The following MYRIP variants were observed in gnomAD, a reference collection of about 807,000 sequenced individuals.
MYRIP encodes myosin VIIA and Rab interacting protein.
MYRIP carries 49 observed loss-of-function variants against 98.0 expected under a neutral mutation model. That is an observed-to-expected ratio of 0.50 (90% CI 0.40 to 0.63). The LOEUF is 0.63. MYRIP is among the 30% of genes least tolerant of loss of function. MYRIP has a pLI of 0.00. For missense variants in MYRIP, 1,004 were observed against 1,058.2 expected (o/e 0.95, Z 0.71); for synonymous variants, 404 against 409.5 (o/e 0.99, Z 0.16).
At chr3:40,230,796 T>C (rs534330446) in intron 11 of MYRIP, among the ~76,000 whole-genome samples, 1 of 152,018 alleles carries the variant, frequency 6.6e-6, no homozygotes, top group African/African-American at 2.4e-5. Context: ...CCAGTTTTCA[T>C]ATAATTTTTG....
At chr3:40,003,425 T>G (rs1008475722) in intron 2 of MYRIP, among the ~76,000 whole-genome samples, 3 of 152,202 alleles carry the variant, frequency 2.0e-5, no homozygotes, top group Non-Finnish European at 4.4e-5. Flanking sequence ...TGTATGTGGG[T>G]TGAGTCTTGT....
chr3:40,203,317 A>AAAAT (rs1951623122), intron 10 of MYRIP, among the ~76,000 whole-genome samples: 1 of 152,112 alleles, frequency 6.6e-6, no homozygotes, highest in East Asian at 1.9e-4. Flanking sequence ...CCAGTTTGAG[A>AAAAT]AAATATGCAT....
At position 40,017,897 on chromosome 3, in the gene MYRIP, A is replaced by C. The variant is rs180985118; in HGVS notation, c.111-26153A>C. Among the ~76,000 whole-genome samples the C allele has an allele frequency of 1.7e-3, 252 of 152,250 alleles. 3 individuals carry two copies. The highest frequency in any genetic ancestry group is 5.9e-3 in the African/African-American group (247 of 41,538). ...TTCCCTCTTTTCACTATTTAGCCTA[A>C]TGAGTAATCAGCTTTGTCTTTTGTT... On this transcript the variant is annotated intron_variant, in intron 2 of 16. Transcript: ENST00000302541.
chr3:40,084,288 T>C (rs1175040671), intron 3 of MYRIP, among the ~76,000 whole-genome samples: 2 of 120,786 alleles, frequency 1.7e-5, no homozygotes, highest in Non-Finnish European at 3.7e-5. Flanking sequence ...ATGTATTATA[T>C]ATCGATATAT....
intron 2 of MYRIP, among the ~76,000 whole-genome samples, chr3:40,028,580 C>T (rs1947187868): frequency 6.6e-6 from 1 of 152,128 alleles, no homozygotes; most frequent in East Asian, 1.9e-4. Flanking sequence ...ATTATAAGTG[C>T]CACTCAGAAA....
At chr3:39,889,212 A>G (rs138329063) in intron 1 of MYRIP, among the ~76,000 whole-genome samples, 2,799 of 152,342 alleles carry the variant, frequency 0.018, 84 homozygotes, top group African/African-American at 0.064. Flanking sequence ...TAATGCTGCT[A>G]TAAAGACACA....
At chr3:40,011,749 G>A (rs1378494773) in intron 2 of MYRIP, among the ~76,000 whole-genome samples, 1 of 152,090 alleles carries the variant, frequency 6.6e-6, no homozygotes, top group Non-Finnish European at 1.5e-5. Flanking sequence ...CATATAAAAA[G>A]TAAACAATCT....
chr3:40,015,489 A>G (rs1288657577), intron 2 of MYRIP, among the ~76,000 whole-genome samples: 2 of 152,192 alleles, frequency 1.3e-5, no homozygotes, highest in East Asian at 1.9e-4. Context: ...CTCCCTCACA[A>G]TCATGGATTC....
chr3:39,876,860 C>G (rs1943012564), intron 1 of MYRIP, among the ~76,000 whole-genome samples: 1 of 152,118 alleles, frequency 6.6e-6, no homozygotes, highest in East Asian at 1.9e-4. Flanking sequence ...GTGGTGTTCT[C>G]TGTATTTCCT....
intron 1 of MYRIP, among the ~76,000 whole-genome samples, chr3:39,821,589 G>T: frequency 6.6e-6 from 1 of 151,162 alleles, no homozygotes; most frequent in African/African-American, 2.4e-5. Context: ...TATGCATTTA[G>T]GACTATAAAT....
chr3:39,999,177 T>C (rs998673440), intron 2 of MYRIP, among the ~76,000 whole-genome samples: 3 of 152,120 alleles, frequency 2.0e-5, no homozygotes, highest in African/African-American at 7.2e-5. Context: ...AATTGACAAA[T>C]GGGTTCTAAT....
chr3:39,812,910 A>G (rs1940746319), intron 1 of MYRIP, among the ~76,000 whole-genome samples: 1 of 147,956 alleles, frequency 6.8e-6, no homozygotes, highest in Non-Finnish European at 1.5e-5. Context: ...CCCTGCTACT[A>G]AATCCATGGG....
intron 2 of MYRIP, among the ~76,000 whole-genome samples, chr3:39,929,221 TG>T (rs1317703608): frequency 6.6e-6 from 1 of 152,024 alleles, no homozygotes; most frequent in Non-Finnish European, 1.5e-5. Flanking sequence ...CAGACTTATA[TG>T]CTGAAATAAA....
chr3:39,962,049 T>G (rs907552405), intron 2 of MYRIP, among the ~76,000 whole-genome samples: 24 of 152,256 alleles, frequency 1.6e-4, no homozygotes, highest in Non-Finnish European at 3.2e-4. Flanking sequence ...TATAGCATGG[T>G]AATCGACACT....
intron 10 of MYRIP, among the ~76,000 whole-genome samples, chr3:40,200,287 A>T (rs573950003): frequency 1.1e-3 from 161 of 151,972 alleles, no homozygotes; most frequent in South Asian, 7.3e-3. Flanking sequence ...GCAAAAAAAA[A>T]TTTTGTTATG....
intron 1 of MYRIP, among the ~76,000 whole-genome samples, chr3:39,836,888 C>A (rs1201827359): frequency 6.6e-6 from 1 of 152,150 alleles, no homozygotes; most frequent in Non-Finnish European, 1.5e-5. Context: ...GGCAATTTTC[C>A]TGGTTGACCT....
intron 3 of MYRIP, among the ~76,000 whole-genome samples, chr3:40,134,498 T>A (rs1351398650): frequency 6.6e-6 from 1 of 152,146 alleles, no homozygotes; most frequent in East Asian, 1.9e-4. Context: ...ACCTCTGCAG[T>A]CTTAAATGTC....
chr3:40,245,046 C>A (rs2125714090), intron 13 of MYRIP, among the ~76,000 whole-genome samples: 1 of 152,320 alleles, frequency 6.6e-6, no homozygotes. Context: ...CATGTAACTC[C>A]AGTGCCTAGC....
chr3:39,911,007 G>A (rs987251992), intron 2 of MYRIP, among the ~76,000 whole-genome samples: 1 of 151,970 alleles, frequency 6.6e-6, no homozygotes, highest in Non-Finnish European at 1.5e-5. Context: ...CCTCAGTGTT[G>A]GGTTTATTAC....
Sources: gnomAD v4.1 joint callset for allele counts (sites outside exome capture counted in the v4.1 genomes callset) on GRCh38, gnomAD v4.1.1 for gene constraint, MANE v1.5 for transcripts, NCBI Gene and HGNC (gene_info 2026-07-23, HGNC 2026-07-21) for gene names.